The following RPS6KA2 variants were observed in gnomAD, a reference collection of about 807,000 sequenced individuals.
The protein encoded by RPS6KA2 is ribosomal protein S6 kinase A2.
Under a neutral mutation model 91.8 loss-of-function variants are expected in RPS6KA2, and 42 were observed. That is an observed-to-expected ratio of 0.46 (90% CI 0.36 to 0.59). The LOEUF (loss-of-function observed/expected upper bound fraction) is 0.59, where lower values mean the gene tolerates loss of function less well. RPS6KA2 is among the 20% of genes least tolerant of loss of function. The pLI, the probability that RPS6KA2 is intolerant of heterozygous loss-of-function variation, is 0.00. For missense variants in RPS6KA2, 798 were observed against 978.5 expected (o/e 0.82, Z 2.46); for synonymous variants, 414 against 393.6 (o/e 1.05, Z -0.61).
chr6:166,556,723 T>G, intron 1 of RPS6KA2, among the ~76,000 whole-genome samples: 1 of 152,202 alleles, frequency 6.6e-6, no homozygotes, highest in East Asian at 1.9e-4. Context: ...ACTGTTTCTC[T>G]GTGGAGCAGA....
chr6:166,800,812 A>G lies in RPS6KA2; in HGVS notation c.123+57388T>C, dbSNP rs186332358. On this transcript the variant is annotated intron_variant, in intron 2 of 21. Coordinates refer to the RPS6KA2 transcript ENST00000503859. Reference sequence around the variant, plus strand: ...CTCAATCGTTTCCTTAACTCAAGGAAGATACCTGATTTCATGGCAGGCACT... The same window carrying G: ...CTCAATCGTTTCCTTAACTCAAGGAGGATACCTGATTTCATGGCAGGCACT... 6.1e-3 allele frequency among the ~76,000 whole-genome samples: 926 copies of G among 152,346 alleles called. 5 individuals carry two copies. Among genetic ancestry groups the G allele is most frequent in the Non-Finnish European group, 9.5e-3 (643 of 68,022 alleles).
At chr6:166,630,044 C>T (rs528664766), upstream of RPS6KA2, among the ~76,000 whole-genome samples, 4 of 152,202 alleles carry the variant, frequency 2.6e-5, no homozygotes, top group East Asian at 5.8e-4. Context: ...TTCTAATTGG[C>T]GAAGTCAAGG....
chr6:166,480,522 T>TA (rs1781175775), intron 10 of RPS6KA2, among the ~76,000 whole-genome samples: 3 of 121,336 alleles, frequency 2.5e-5, no homozygotes, highest in African/African-American at 1.0e-4. Context: ...TATAATATAT[T>TA]TTTTTTTTTT....
rs563313358 is a variant in RPS6KA2, at chr6:166,420,886, A to G, written c.1744-928T>C. Among the ~76,000 whole-genome samples the G allele has an allele frequency of 3.3e-5, 5 of 152,362 alleles. No individual in the cohort carries two copies. The South Asian group carries it at 8.3e-4, about 25-fold the overall frequency. ...CCTCTGATATAGTTACAGTTGAATA[A>G]CAACAAAGGAAGCCACAATGGTGCT... is the stretch of plus-strand genomic sequence containing the variant. On this transcript the variant is annotated intron_variant, in intron 17 of 20. Transcript: ENST00000265678.
chr6:166,633,743 G>A (rs1787151786), intron 2 of RPS6KA2, among the ~76,000 whole-genome samples: 1 of 152,202 alleles, frequency 6.6e-6, no homozygotes, highest in South Asian at 2.1e-4. Context: ...AGAATTACTT[G>A]TTTGAATTTA....
rs1042824593 is a variant in RPS6KA2, at chr6:166,818,253, C to T, written c.123+39947G>A. 3.3e-5 allele frequency among the ~76,000 whole-genome samples: 5 copies of T among 152,168 alleles called. 1 individual carries two copies. The highest frequency in any genetic ancestry group is 2.0e-4 in the Admixed American group (3 of 15,280). ...CCAGGATCAAATCATAGATTGATCA[C>T]GCTGCATTTCGTTGTGATGTCTCTG... On this transcript the variant is annotated intron_variant, in intron 2 of 21. Transcript: ENST00000503859.
intron 2 of RPS6KA2, among the ~76,000 whole-genome samples, chr6:166,708,268 T>C (rs1205295229): frequency 6.6e-6 from 1 of 151,990 alleles, no homozygotes; most frequent in Admixed American, 6.6e-5. Context: ...GGATGAAATC[T>C]TTTTTTTGCA....
chr6:166,474,048 G>A (rs535675111), intron 10 of RPS6KA2, among the ~76,000 whole-genome samples: 5 of 151,462 alleles, frequency 3.3e-5, no homozygotes, highest in Non-Finnish European at 7.4e-5. Context: ...TTAGGAGTCA[G>A]GGATGGGCTA....
intron 2 of RPS6KA2, among the ~76,000 whole-genome samples, chr6:166,735,985 T>C (rs1790660965): frequency 6.6e-6 from 1 of 152,216 alleles, no homozygotes; most frequent in Admixed American, 6.5e-5. Flanking sequence ...TTGTTAAAAA[T>C]AGGTGTAGGT....
In RPS6KA2 at chr6:166,643,576, A is replaced by T. The variant is rs143286546; in HGVS notation, c.124-104792T>A. On this transcript the variant is annotated intron_variant, in intron 2 of 21. Transcript: ENST00000503859. ...CAAAATGTATTAATCAAAAAATGAC[A>T]AAACCAAAAGGAGAAATTGACAAAT... Among the ~76,000 whole-genome samples, 295 of 152,382 alleles carry T rather than the reference A, an allele frequency of 1.9e-3. 1 individual carries two copies. The highest frequency in any genetic ancestry group is 6.3e-3 in the African/African-American group (262 of 41,592).
At chr6:166,661,979 G>A (rs1261645302) in intron 2 of RPS6KA2, among the ~76,000 whole-genome samples, 2 of 152,138 alleles carry the variant, frequency 1.3e-5, no homozygotes, top group African/African-American at 4.8e-5. Context: ...AACTATTTCA[G>A]GATGTTTTAC....
intron 2 of RPS6KA2, among the ~76,000 whole-genome samples, chr6:166,765,078 G>C (rs1448004586): frequency 1.5e-5 from 2 of 133,120 alleles, no homozygotes; most frequent in African/African-American, 6.6e-5. Context: ...TCCAGGGCAG[G>C]TGGCAGGAGG....
chr6:166,504,300 T>C (rs1437399186), intron 6 of RPS6KA2, among the ~76,000 whole-genome samples: 1 of 152,222 alleles, frequency 6.6e-6, no homozygotes, highest in African/African-American at 2.4e-5. Context: ...GGCCTGGGCA[T>C]TTCCTATGCA....
intron 15 of RPS6KA2, among the ~76,000 whole-genome samples, chr6:166,430,870 T>G (rs1053130821): frequency 6.6e-6 from 1 of 152,196 alleles, no homozygotes; most frequent in Non-Finnish European, 1.5e-5. Context: ...GATGGGCGTG[T>G]CCTTAGCTGA....
chr6:166,717,893 A>G (rs1790057441), intron 2 of RPS6KA2, among the ~76,000 whole-genome samples: 2 of 148,496 alleles, frequency 1.3e-5, no homozygotes, highest in African/African-American at 5.0e-5. Context: ...CTTGTTGCCC[A>G]GGCTGGAGTG....
intron 2 of RPS6KA2, among the ~76,000 whole-genome samples, chr6:166,717,468 GGAA>G (rs1206706691): frequency 6.6e-6 from 1 of 152,198 alleles, no homozygotes; most frequent in South Asian, 2.1e-4. Flanking sequence ...CCTGAGAATG[GGAA>G]GAAGGCCAGG....
At chr6:166,723,510 G>A (rs1790243418) in intron 2 of RPS6KA2, among the ~76,000 whole-genome samples, 1 of 152,186 alleles carries the variant, frequency 6.6e-6, no homozygotes, top group South Asian at 2.1e-4. Flanking sequence ...GTAGTACCAG[G>A]AAGGCCGTGC....
Position 166,648,147 on chromosome 6 carries a change from C to A in RPS6KA2, c.124-109363G>T, listed in dbSNP as rs1475966336. ...TCATACACATACATGCACACACGCA[C>A]ATGGTTACACACCCATGCACACATG... On this transcript the variant is annotated intron_variant, in intron 2 of 21. Transcript: ENST00000503859. This position sits in a 1 kb window ranked among gnomAD's most constrained non-coding sequence, Gnocchi z 4.8. Among the ~76,000 whole-genome samples the A allele has an allele frequency of 6.6e-6, 1 of 150,926 alleles. No individual in the cohort carries two copies. Among genetic ancestry groups the A allele is most frequent in the Non-Finnish European group, 1.5e-5 (1 of 67,766 alleles).
At chr6:166,420,249 A>G (rs542403415) in intron 17 of RPS6KA2, among the ~76,000 whole-genome samples, 2 of 152,304 alleles carry the variant, frequency 1.3e-5, no homozygotes, top group Non-Finnish European at 2.9e-5. Context: ...GTTACGGTAA[A>G]ATATGTATGA....
Sources: allele counts gnomAD v4.1 joint callset (sites outside exome capture counted in the v4.1 genomes callset), GRCh38; gene constraint gnomAD v4.1.1; non-coding constraint Gnocchi (gnomAD v3.1); transcripts MANE v1.5; gene names NCBI Gene and HGNC (gene_info 2026-07-23, HGNC 2026-07-21).